The following PGAP6 variants were observed in gnomAD, a reference collection of about 807,000 sequenced individuals.
The protein encoded by PGAP6 is post-GPI attachment to proteins 6.
In PGAP6, 62 loss-of-function variants were observed where a neutral mutation model predicts 68.4. The ratio of observed to expected loss-of-function variants is 0.91; its 90% CI spans 0.74 to 1.12. The LOEUF is 1.12. PGAP6 is among the 50% of genes most tolerant of loss of function. The pLI, the probability that PGAP6 is intolerant of heterozygous loss-of-function variation, is 0.00. For synonymous variants in PGAP6, 575 were observed against 474.0 expected (o/e 1.21, Z -2.77); for missense variants, 1,188 against 1,068.5 (o/e 1.11, Z -1.56).
chr16:381,572 C>G, intron 1 of PGAP6, 129 bp downstream of exon 1: 1 of 712,912 alleles, frequency 1.4e-6, no homozygotes. Flanking sequence ...GCACCCCCAA[C>G]CCGCGGCGGG....
chr16:385,310 ATTT>A (rs35605582), upstream of PGAP6, among the ~76,000 whole-genome samples: 5 of 112,416 alleles, frequency 4.4e-5, no homozygotes, highest in African/African-American at 8.2e-5. Flanking sequence ...ATATACTCTG[ATTT>A]TTTTTTTTTT....
upstream of PGAP6, chr16:382,368 C>A (rs1205341043): frequency 5.2e-6 from 2 of 382,928 alleles, no homozygotes; most frequent in Non-Finnish European, 9.3e-6. Flanking sequence ...CCGCCTGGGA[C>A]CGAGAGGAAC....
chr16:380,810 G>A (rs2054430688), intron 1 of PGAP6, among the ~76,000 whole-genome samples: 1 of 151,618 alleles, frequency 6.6e-6, no homozygotes, highest in African/African-American at 2.4e-5. Context: ...GAGGGGAGGG[G>A]CTGGGGGCCG....
chr16:380,918 C>T lies in PGAP6; in HGVS notation c.121+783G>A, dbSNP rs1302806394. Among the ~76,000 whole-genome samples, 7 of 152,320 alleles carry T rather than the reference C, an allele frequency of 4.6e-5. 1 individual carries two copies. In the South Asian group the frequency reaches 6.2e-4, roughly 14 times the overall value. On this transcript the variant is annotated intron_variant, in intron 1 of 12. Transcript: ENST00000431232. ...TTCCAGCCGGCCAGAAAGGACACGGCCCCTCCAGAGTCCCAGGCCACAGAG... is the reference window on the plus strand; with the variant it reads ...TTCCAGCCGGCCAGAAAGGACACGGTCCCTCCAGAGTCCCAGGCCACAGAG...
In PGAP6 at chr16:372,011, C is replaced by G; in HGVS notation, c.2292G>C (p.Arg764=). 1 of 1,612,604 alleles carries G rather than the reference C, an allele frequency of 6.2e-7. No individual in the cohort carries two copies. Among genetic ancestry groups the G allele is most frequent in the South Asian group, 1.1e-5 (1 of 91,014 alleles). Reference sequence around the variant, plus strand: ...GTCACGTCACTGCGTACAGTTCCTCCCGATCGTTCTTGCAGATCTGATAGT... The same window carrying G: ...GTCACGTCACTGCGTACAGTTCCTCGCGATCGTTCTTGCAGATCTGATAGT... ...PCHYQICKND[R]EELYAVT is the part of the protein sequence containing the mutation. The change falls in exon 13 of 13, where the codon CGG becomes CGC. Residue 764 remains arginine, a synonymous_variant. Transcript: ENST00000431232.
intron 11 of PGAP6, among the ~76,000 whole-genome samples, chr16:373,164 C>T (rs1176015401): frequency 2.0e-5 from 3 of 152,246 alleles, no homozygotes; most frequent in African/African-American, 7.2e-5. Context: ...CTCTGCCTAT[C>T]TGCAGGTTCA....
chr16:372,815 C>T lies in PGAP6; in HGVS notation c.1903-88G>A, dbSNP rs2054347069. The T allele has an allele frequency of 1.2e-5, 11 of 908,252 alleles. No homozygotes were observed. In the South Asian group the frequency reaches 1.4e-4, roughly 12 times the overall value. The allele number at this position is 908,252 out of a possible 1,614,324, so 56.3% of individuals were successfully genotyped here. ...CGCGTACCCCACGGCCCCACAGCACCTCTGCCTGCCCCCTCGGAGCTGCTG... is the reference window on the plus strand; with the variant it reads ...CGCGTACCCCACGGCCCCACAGCACTTCTGCCTGCCCCCTCGGAGCTGCTG... On this transcript the variant is annotated intron_variant, in intron 11 of 12. Transcript: ENST00000431232.
Position 372,034 on chromosome 16 carries a change from A to G in PGAP6, c.2269T>C (p.Tyr757His). ...TCCCGATCGTTCTTGCAGATCTGATAGTGGCAGGGGAATTTCTGCGAGCAG... is the reference window on the plus strand; with the variant it reads ...TCCCGATCGTTCTTGCAGATCTGATGGTGGCAGGGGAATTTCTGCGAGCAG... ...WACSQKFPCH[Y>H]QICKNDREEL... The change falls in exon 13 of 13, where the codon TAT (tyrosine) becomes CAT (histidine). Residue 757 changes from tyrosine to histidine, a missense_variant. Tyr to His is a moderately conservative substitution (Grantham distance 83). Coordinates refer to ENST00000431232, the MANE Select transcript of PGAP6 (RefSeq NM_021259.3). 1 of 1,612,836 alleles carries G rather than the reference A, an allele frequency of 6.2e-7. No homozygotes were observed. Among genetic ancestry groups the G allele is most frequent in the Non-Finnish European group, 8.5e-7 (1 of 1,179,926 alleles).
rs750619757 is a variant in PGAP6, at chr16:376,683, C to T, written c.765G>A (p.Val255=). The T allele has an allele frequency of 1.2e-6, 2 of 1,611,260 alleles. No homozygotes were observed. Among genetic ancestry groups the T allele is most frequent in the Non-Finnish European group, 8.5e-7 (1 of 1,179,580 alleles). ...PVTLPSNFQK[V]LTCTGAPWPC... is the part of the protein sequence containing the mutation. ...GCCAGGGGGCACCGGTGCAGGTGAG[C>T]ACCTTCTGGAAGTTGCTAGGCAGGG... The change falls in exon 5 of 13, where the codon GTG becomes GTA. Residue 255 remains valine (V), a synonymous_variant. Coordinates refer to ENST00000431232, the MANE Select transcript of PGAP6 (RefSeq NM_021259.3).
At position 376,731 on chromosome 16, in the gene PGAP6, C is replaced by A. The variant is rs903489364; in HGVS notation, c.717G>T (p.Val239=). ...CVSNGSLGCP[V]RLTVGPVTLP... is the part of the protein sequence containing the mutation. ...GGGTGACCGGGCCCACGGTGAGACG[C>A]ACGGGGCAGCCCAGGCTCCCATTGG... Residue 239 remains valine (V), a synonymous_variant, in exon 5 of 13, where the codon GTG becomes GTT. Coordinates refer to ENST00000431232, the MANE Select transcript of PGAP6 (RefSeq NM_021259.3). 1 of 1,611,582 alleles carries A rather than the reference C, an allele frequency of 6.2e-7. No individual in the cohort carries two copies. The highest frequency in any genetic ancestry group is 1.1e-5 in the South Asian group (1 of 91,040).
chr16:374,694 C>T, intron 9 of PGAP6, 62 bp downstream of exon 9: 2 of 1,596,486 alleles, frequency 1.3e-6, no homozygotes, highest in Non-Finnish European at 8.5e-7. Flanking sequence ...GGGAAAGGCA[C>T]AGCACAGCAC....
At chr16:375,886 TC>T (rs537092735) in intron 6 of PGAP6, among the ~76,000 whole-genome samples, 112 of 152,160 alleles carry the variant, frequency 7.4e-4, no homozygotes, top group Middle Eastern at 3.4e-3. Context: ...GGGACCTTCC[TC>T]CCCGGGCCCT....
chr16:377,889 T>A (rs774300808), intron 1 of PGAP6, 41 bp from the exon 2 acceptor site: 388 of 1,505,944 alleles, frequency 2.6e-4, no homozygotes, highest in Non-Finnish European at 3.4e-4. Context: ...GGGACCCTCC[T>A]CCAGGGCCGC....
At chr16:383,121 A>C (rs1266146969), upstream of PGAP6, among the ~76,000 whole-genome samples, 1 of 150,652 alleles carries the variant, frequency 6.6e-6, no homozygotes, top group African/African-American at 2.4e-5. Context: ...GTCTCAAAAA[A>C]CAAAAACACA....
Position 376,310 on chromosome 16 carries a change from G to T in PGAP6, c.1050C>A (p.Cys350Ter). The change falls in exon 6 of 13, where the codon TGC becomes TGA. Residue 350 changes from cysteine (C) to a stop codon, truncating the protein, a stop_gained. Transcript: ENST00000431232. LOFTEE classifies it high-confidence loss of function. ...RSGRVDRSPFCLTNYPVTRED... is the reference protein window; with the variant it reads ...RSGRVDRSPF ...CCCGCGTGACTGGGTAGTTTGTGAG[G>T]CAGAAGGGGCTGCGGTCCACCCTGC... 1 of 1,612,678 alleles carries T rather than the reference G, an allele frequency of 6.2e-7. No individual in the cohort carries two copies. The highest frequency in any genetic ancestry group is 8.5e-7 in the Non-Finnish European group (1 of 1,179,966).
chr16:380,011 C>T (rs743961), intron 1 of PGAP6, among the ~76,000 whole-genome samples: 17,563 of 152,282 alleles, frequency 0.12, 1,049 homozygotes, highest in African/African-American at 0.14. Context: ...GACCCACGTC[C>T]TCCAAACCGG....
chr16:376,528 C>G lies in PGAP6; in HGVS notation c.904+16G>C. On this transcript the variant is annotated intron_variant, in intron 5 of 12. Coordinates refer to ENST00000431232, the MANE Select transcript of PGAP6 (RefSeq NM_021259.3). ...GGGAGGGGCAGGGCCATCCCTCCAGCCCTTGTGCGGCCCACCTGTGAGGGC... is the reference window on the plus strand; with the variant it reads ...GGGAGGGGCAGGGCCATCCCTCCAGGCCTTGTGCGGCCCACCTGTGAGGGC... 1 of 1,545,194 alleles carries G rather than the reference C, an allele frequency of 6.5e-7. No homozygotes were observed. The highest frequency in any genetic ancestry group is 8.7e-7 in the Non-Finnish European group (1 of 1,144,392).
At chr16:381,669 C>G in intron 1 of PGAP6, 32 bp downstream of exon 1, 1 of 1,191,178 alleles carries the variant, frequency 8.4e-7, no homozygotes, top group Non-Finnish European at 1.0e-6. Context: ...CCCGGCCCCA[C>G]GCCCCCGATG....
At chr16:376,071 G>T in intron 6 of PGAP6, 65 bp downstream of exon 6, 2 of 1,469,720 alleles carry the variant, frequency 1.4e-6, no homozygotes, top group Non-Finnish European at 1.8e-6. Context: ...ATGAGGAGGC[G>T]CTGCAGGGGT....
Sources: gnomAD v4.1 joint callset for allele counts (sites outside exome capture counted in the v4.1 genomes callset) on GRCh38, gnomAD v4.1.1 for gene constraint, MANE v1.5 for transcripts, NCBI Gene and HGNC (gene_info 2026-07-23, HGNC 2026-07-21) for gene names.